Variants in CNR2 observed in about 807,000 individuals in gnomAD.
CNR2 encodes cannabinoid receptor 2, also known as cannabinoid receptor 2 (macrophage).
For missense variants in CNR2, 379 were observed against 439.9 expected (o/e 0.86, Z 1.24); for synonymous variants, 172 against 182.2 (o/e 0.94, Z 0.45).
Position 23,874,320 on chromosome 1 carries a change from C to A in CNR2, c.*215G>T, listed in dbSNP as rs1425688731. ...CTTTTGTGTCTCGCCTACCTGGCTA[C>A]TCCTCGTGGCCCTACCTATCCAACA... is the stretch of plus-strand genomic sequence containing the variant. On this transcript the variant is annotated 3_prime_UTR_variant, in exon 2 of 2. Transcript: ENST00000374472. 1.8e-6 allele frequency: 1 copy of A among 547,312 alleles called. No individual in the cohort carries two copies. The highest frequency in any genetic ancestry group is 1.9e-5 in the African/African-American group (1 of 53,118). The allele number at this position is 547,312 out of a possible 1,614,324, so 33.9% of individuals were successfully genotyped here.
intron 1 of CNR2, among the ~76,000 whole-genome samples, chr1:23,897,101 C>G (rs1640298314): frequency 6.6e-6 from 1 of 152,086 alleles, no homozygotes; most frequent in Non-Finnish European, 1.5e-5. Flanking sequence ...TTTTGAACTC[C>G]TGACCTCAGG....
In CNR2 at chr1:23,874,727, G is replaced by A; in HGVS notation, c.891C>T (p.Val297=). 1 of 1,614,182 alleles carries A rather than the reference G, an allele frequency of 6.2e-7. No individual in the cohort carries two copies. The highest frequency in any genetic ancestry group is 8.5e-7 in the Non-Finnish European group (1 of 1,180,030). ...LCLINSMVNP[V]IYALRSGEIR... Reference sequence around the variant, plus strand: ...TCTCTCCACTCCGTAGAGCATAGATGACAGGGTTGACCATGGAGTTGATGA... The same window carrying A: ...TCTCTCCACTCCGTAGAGCATAGATAACAGGGTTGACCATGGAGTTGATGA... The change falls in exon 2 of 2, where the codon GTC becomes GTT. Residue 297 remains valine (V), a synonymous_variant. Coordinates refer to ENST00000374472, the MANE Select transcript of CNR2 (RefSeq NM_001841.3).
chr1:23,874,807 T>A lies in CNR2; in HGVS notation c.811A>T (p.Thr271Ser). The A allele has an allele frequency of 1.2e-6, 2 of 1,614,060 alleles. No individual in the cohort carries two copies. The change falls in exon 2 of 2, where the codon ACT (threonine) becomes TCT (serine). Residue 271 changes from threonine to serine, a missense_variant. Physicochemically the swap from Thr to Ser is moderately conservative, Grantham distance 58. Coordinates refer to ENST00000374472, the MANE Select transcript of CNR2 (RefSeq NM_001841.3). ...TTCTTGACCTGGTCACTGAGCGTAG[T>A]GGCCAGGCTGTGGGCCATGAGGGCC... ...VLALMAHSLATTLSDQVKKAF... is the reference protein window; with the variant it reads ...VLALMAHSLASTLSDQVKKAF...
intron 1 of CNR2, among the ~76,000 whole-genome samples, chr1:23,886,522 C>T (rs1640092733): frequency 6.6e-6 from 1 of 152,226 alleles, no homozygotes; most frequent in Admixed American, 6.5e-5. Context: ...ATGTTGGTGG[C>T]CATGCCGGGG....
chr1:23,909,990 T>C (rs1640556822), intron 1 of CNR2, among the ~76,000 whole-genome samples: 1 of 151,038 alleles, frequency 6.6e-6, no homozygotes, highest in Non-Finnish European at 1.5e-5. Flanking sequence ...TTTGAAACAG[T>C]ATCTTGCTCA....
intron 1 of CNR2, among the ~76,000 whole-genome samples, chr1:23,879,131 T>C (rs1639936604): frequency 6.6e-6 from 1 of 152,090 alleles, no homozygotes; most frequent in Non-Finnish European, 1.5e-5. Context: ...CCATCTTTAC[T>C]AAAAACACAA....
chr1:23,904,214 C>T (rs899945685), intron 1 of CNR2, among the ~76,000 whole-genome samples: 3 of 150,754 alleles, frequency 2.0e-5, no homozygotes, highest in Admixed American at 1.3e-4. Context: ...GCTCTGTCAC[C>T]CAGGCTGGAG....
intron 1 of CNR2, among the ~76,000 whole-genome samples, chr1:23,884,155 CT>C (rs1158745612): frequency 1.3e-5 from 2 of 151,516 alleles, no homozygotes; most frequent in African/African-American, 4.8e-5. Flanking sequence ...TCTCGGCTCA[CT>C]GCAAACTCTG....
In CNR2 at chr1:23,874,386, G is replaced by C. The variant is rs1639824881; in HGVS notation, c.*149C>G. On this transcript the variant is annotated 3_prime_UTR_variant, in exon 2 of 2. Coordinates refer to ENST00000374472, the MANE Select transcript of CNR2 (RefSeq NM_001841.3). ...GGCAAGGCCAGGCTGTCTTCCAGGA[G>C]TCAGTCCCAACACTCATCAGCAAAA... is the stretch of plus-strand genomic sequence containing the variant. 2 of 855,058 alleles carry C rather than the reference G, an allele frequency of 2.3e-6. No individual in the cohort carries two copies. The highest frequency in any genetic ancestry group is 3.5e-4 in the Middle Eastern group (1 of 2,820). 53.0% of individuals were successfully genotyped at this position (855,058 alleles called of 1,614,324 possible).
In CNR2 at chr1:23,904,603, C is replaced by T. The variant is rs79318728; in HGVS notation, c.-46+8643G>A. ...CTGATAAGCATGTGTGGATCTCTTT[C>T]ACCCTGAGGGTAGCCTGTTACTGTG... is the stretch of plus-strand genomic sequence containing the variant. On this transcript the variant is annotated intron_variant, in intron 1 of 1. Coordinates refer to ENST00000374472, the MANE Select transcript of CNR2 (RefSeq NM_001841.3). Among the ~76,000 whole-genome samples the T allele has an allele frequency of 9.6e-3, 1,330 of 138,300 alleles. 15 individuals carry two copies. Among genetic ancestry groups the T allele is most frequent in the Middle Eastern group, 0.033 (8 of 246 alleles). The allele number at this position is 138,300 out of a possible 152,430, so 90.7% of individuals were successfully genotyped here. A position where few individuals can be genotyped will look rare whatever the true frequency, so the allele number is the denominator to read the frequency against.
chr1:23,880,667 G>A (rs982656021), intron 1 of CNR2, among the ~76,000 whole-genome samples: 10 of 151,896 alleles, frequency 6.6e-5, no homozygotes, highest in Non-Finnish European at 1.5e-4. Flanking sequence ...CAGGGTTCAA[G>A]TGATTCTCCT....
chr1:23,880,320 G>C (rs1435732847), intron 1 of CNR2, among the ~76,000 whole-genome samples: 1 of 151,910 alleles, frequency 6.6e-6, no homozygotes, highest in Admixed American at 6.6e-5. Flanking sequence ...TGGGACTACA[G>C]GCGCATACTA....
intron 1 of CNR2, among the ~76,000 whole-genome samples, chr1:23,884,084 T>C (rs1035497199): frequency 6.6e-6 from 1 of 150,898 alleles, no homozygotes; most frequent in Non-Finnish European, 1.5e-5. Context: ...TCTTTTTTTG[T>C]TTTTGTTTTT....
chr1:23,894,413 C>T (rs1419415527), intron 1 of CNR2, among the ~76,000 whole-genome samples: 15 of 127,834 alleles, frequency 1.2e-4, no homozygotes, highest in Non-Finnish European at 6.5e-5. Context: ...AAAAGTGAAA[C>T]TCTGTCTCAA....
intron 1 of CNR2, among the ~76,000 whole-genome samples, chr1:23,888,423 T>C (rs1027092539): frequency 1.3e-5 from 2 of 152,158 alleles, no homozygotes; most frequent in African/African-American, 4.8e-5. Context: ...ACCTCCATCA[T>C]AGCTTCTTAC....
chr1:23,881,923 G>A (rs1372300282), intron 1 of CNR2, among the ~76,000 whole-genome samples: 1 of 151,336 alleles, frequency 6.6e-6, no homozygotes, highest in Non-Finnish European at 1.5e-5. Context: ...AAGTTCATAG[G>A]TATGGATCTT....
intron 1 of CNR2, among the ~76,000 whole-genome samples, chr1:23,899,994 A>AG (rs1469919371): frequency 1.3e-4 from 18 of 142,680 alleles, no homozygotes; most frequent in African/African-American, 3.9e-4. Context: ...AAGAAAAGAA[A>AG]GAAAGAAAGG....
intron 1 of CNR2, among the ~76,000 whole-genome samples, chr1:23,885,831 T>C (rs1013755744): frequency 1.1e-4 from 16 of 150,784 alleles, no homozygotes; most frequent in East Asian, 1.9e-4. Flanking sequence ...TGAGCTGAGA[T>C]TGCGCCACTG....
chr1:23,875,879 C>A (rs1236450702), intron 1 of CNR2, among the ~76,000 whole-genome samples: 1 of 151,966 alleles, frequency 6.6e-6, no homozygotes, highest in Admixed American at 6.6e-5. Flanking sequence ...GGGAATGCAA[C>A]AAGCAGAAGT....
Sources: allele counts gnomAD v4.1 joint callset (sites outside exome capture counted in the v4.1 genomes callset), GRCh38; gene constraint gnomAD v4.1.1; transcripts MANE v1.5; gene names NCBI Gene and HGNC (gene_info 2026-07-23, HGNC 2026-07-21).